Variants in KCNMA1 observed in about 807,000 individuals in gnomAD.
KCNMA1 encodes the protein Calcium-activated potassium channel subunit alpha-1.
Under a neutral mutation model 140.0 loss-of-function variants are expected in KCNMA1, and 29 were observed. That is an observed-to-expected ratio of 0.21 (90% CI 0.15 to 0.28). The LOEUF (loss-of-function observed/expected upper bound fraction) is 0.28. Among genes scored for constraint, KCNMA1 ranks in the 10% least tolerant of loss-of-function variants. The pLI, the probability that KCNMA1 is intolerant of heterozygous loss-of-function variation, is 1.00. For synonymous variants in KCNMA1, 612 were observed against 611.9 expected (o/e 1.00, Z 0.00); for missense variants, 880 against 1,602.2 (o/e 0.55, Z 7.70).
intron 3 of KCNMA1, among the ~76,000 whole-genome samples, chr10:77,236,385 C>T (rs927783485): frequency 2.6e-5 from 4 of 152,188 alleles, no homozygotes; most frequent in African/African-American, 9.7e-5. Flanking sequence ...TATGCATTAT[C>T]GAACCTGAAG....
At chr10:77,633,596 T>C (rs1433590255) in intron 1 of KCNMA1, among the ~76,000 whole-genome samples, 1 of 152,226 alleles carries the variant, frequency 6.6e-6, no homozygotes, top group Non-Finnish European at 1.5e-5. Context: ...AGACCCTGGG[T>C]AATTACCAAG....
intron 1 of KCNMA1, among the ~76,000 whole-genome samples, chr10:77,568,688 C>T (rs1319474931): frequency 2.7e-5 from 4 of 148,682 alleles, no homozygotes; most frequent in East Asian, 4.0e-4. Flanking sequence ...ACAGGGATGC[C>T]CTCTCTCACC....
At chr10:77,044,585 G>C (rs2094930898) in intron 14 of KCNMA1, among the ~76,000 whole-genome samples, 1 of 152,158 alleles carries the variant, frequency 6.6e-6, no homozygotes, top group Non-Finnish European at 1.5e-5. Context: ...GGAGTTCAAG[G>C]CTGCAGTGAG....
chr10:76,885,088 T>G lies in KCNMA1; in HGVS notation c.*2178A>C. The G allele has an allele frequency of 6.5e-7, 1 of 1,539,882 alleles. No homozygotes were observed. The highest frequency in any genetic ancestry group is 8.8e-7 in the Non-Finnish European group (1 of 1,142,450). ...ACTGTCATATTTCCTGTTGAGCACT[T>G]TAACTGGCACATTCTTATAGTTATA... On this transcript the variant is annotated 3_prime_UTR_variant, in exon 28 of 28. Transcript: ENST00000286628.
At chr10:76,986,544 A>T (rs2153275287) in intron 19 of KCNMA1, among the ~76,000 whole-genome samples, 1 of 152,282 alleles carries the variant, frequency 6.6e-6, no homozygotes, top group East Asian at 1.9e-4. Context: ...GGACAGATGC[A>T]AAGGGTGAAG....
chr10:77,450,418 A>G (rs1033559289), intron 1 of KCNMA1, among the ~76,000 whole-genome samples: 1 of 152,172 alleles, frequency 6.6e-6, no homozygotes, highest in Non-Finnish European at 1.5e-5. Context: ...ACCAATATAC[A>G]TATTAACATT....
intron 2 of KCNMA1, among the ~76,000 whole-genome samples, chr10:77,288,373 C>T (rs1027189724): frequency 6.6e-6 from 1 of 152,196 alleles, no homozygotes; most frequent in Non-Finnish European, 1.5e-5. Flanking sequence ...CTTTGTAGAC[C>T]TCAGCTTTAT....
At chr10:77,379,359 C>T (rs963961094) in intron 2 of KCNMA1, among the ~76,000 whole-genome samples, 1 of 152,152 alleles carries the variant, frequency 6.6e-6, no homozygotes, top group African/African-American at 2.4e-5. Flanking sequence ...ATAAAACCCT[C>T]TTCTACCCAA....
chr10:77,489,987 G>T (rs1302234307), intron 1 of KCNMA1, among the ~76,000 whole-genome samples: 1 of 152,208 alleles, frequency 6.6e-6, no homozygotes, highest in Non-Finnish European at 1.5e-5. Context: ...CCCCGGCACT[G>T]TTGACATTTT....
intron 3 of KCNMA1, among the ~76,000 whole-genome samples, chr10:77,223,602 G>A (rs189970832): frequency 6.6e-5 from 10 of 152,322 alleles, no homozygotes; most frequent in East Asian, 1.9e-4. Context: ...GGGTCAGAGC[G>A]ATGGAGCTTA....
intron 3 of KCNMA1, among the ~76,000 whole-genome samples, chr10:77,218,895 C>A (rs1022884170): frequency 1.3e-5 from 2 of 152,076 alleles, no homozygotes; most frequent in South Asian, 2.1e-4. Context: ...TCATGTTGGC[C>A]AGGCTGATCT....
chr10:77,277,555 A>T (rs1305287421), intron 2 of KCNMA1, among the ~76,000 whole-genome samples: 3 of 152,194 alleles, frequency 2.0e-5, no homozygotes, highest in African/African-American at 4.8e-5. Flanking sequence ...GCTCTGCCAC[A>T]GACAACTGAC....
intron 1 of KCNMA1, among the ~76,000 whole-genome samples, chr10:77,491,714 TACACAC>T (rs3071912): frequency 0.37 from 53,466 of 145,298 alleles, 9,708 homozygotes; most frequent in Non-Finnish European, 0.41. Context: ...TTAGAAGTCA[TACACAC>T]ACACACACAC....
chr10:76,873,225 T>G (rs556643633), downstream of KCNMA1: 4 of 152,324 alleles, frequency 2.6e-5, no homozygotes, highest in East Asian at 5.8e-4. Flanking sequence ...CTTATTTTTA[T>G]GGAAATCTTG....
intron 2 of KCNMA1, among the ~76,000 whole-genome samples, chr10:77,340,746 A>G (rs985287373): frequency 9.9e-5 from 15 of 152,034 alleles, no homozygotes; most frequent in African/African-American, 2.9e-4. Context: ...TAGCATTAGG[A>G]GATATACCTA....
intron 2 of KCNMA1, among the ~76,000 whole-genome samples, chr10:77,343,153 A>G (rs779004789): frequency 1.3e-5 from 2 of 152,126 alleles, no homozygotes; most frequent in Admixed American, 6.6e-5. Flanking sequence ...CGGGTTCTCA[A>G]GAGACTGAAG....
chr10:77,201,619 C>T (rs961041210), intron 3 of KCNMA1, among the ~76,000 whole-genome samples: 1 of 152,168 alleles, frequency 6.6e-6, no homozygotes, highest in Non-Finnish European at 1.5e-5. Flanking sequence ...AGGCACCGCA[C>T]CCAGCCTGAA....
intron 2 of KCNMA1, among the ~76,000 whole-genome samples, chr10:77,270,386 C>G (rs534544277): frequency 6.6e-6 from 1 of 152,152 alleles, no homozygotes; most frequent in Admixed American, 6.5e-5. Flanking sequence ...TCAGCAAGAG[C>G]CCAGAAGTCC....
At chr10:77,039,883 CTTTT>C (rs34943268) in intron 14 of KCNMA1, among the ~76,000 whole-genome samples, 5 of 78,954 alleles carry the variant, frequency 6.3e-5, no homozygotes, top group Non-Finnish European at 8.7e-5. Context: ...TTTTCTTTTT[CTTTT>C]TTTTTTTTTT....
Sources: allele counts gnomAD v4.1 joint callset (sites outside exome capture counted in the v4.1 genomes callset), GRCh38; gene constraint gnomAD v4.1.1; transcripts MANE v1.5; gene names NCBI Gene and HGNC (gene_info 2026-07-23, HGNC 2026-07-21).